FLI1: variants seen among roughly 807,000 people sequenced by gnomAD.
The protein encoded by FLI1 is Friend leukemia integration 1 transcription factor.
In FLI1, 13 loss-of-function variants were observed where a neutral mutation model predicts 53.1. The observed-to-expected ratio is 0.24, with a 90% CI of 0.16 to 0.39. The LOEUF (loss-of-function observed/expected upper bound fraction) is 0.39, where lower values mean the gene tolerates loss of function less well. Among genes scored for constraint, FLI1 ranks in the 10% least tolerant of loss-of-function variants. The probability of loss-of-function intolerance (pLI) is 1.00; values close to 1 mark genes in which losing one functional copy is unlikely to be tolerated. For synonymous variants in FLI1, 244 were observed against 236.7 expected, an observed-to-expected ratio of 1.03 and a Z score of -0.28; for missense variants, 424 against 600.5, an observed-to-expected ratio of 0.71 and a Z score of 3.07.
chr11:128,737,551 C>T (rs2135766418), intron 1 of FLI1, among the ~76,000 whole-genome samples: 1 of 152,286 alleles, frequency 6.6e-6, no homozygotes, highest in African/African-American at 2.4e-5. Flanking sequence ...TTTCCTTTAT[C>T]TTTAAAAATT....
chr11:128,747,865 G>A (rs1940467604), intron 1 of FLI1, among the ~76,000 whole-genome samples: 1 of 152,206 alleles, frequency 6.6e-6, no homozygotes, highest in South Asian at 2.1e-4. Context: ...TCAGATGAAT[G>A]TTCTATCTCC....
chr11:128,768,253 G>T lies in FLI1; in HGVS notation c.366G>T (p.Arg122Ser). The part of the protein sequence containing the change: ...PPPPNMTTNE[R>S]RVIVPADPTL... ...CTCCCAACATGACCACCAACGAGAG[G>T]AGAGTCATCGTCCCCGCAGGTAATT... The change falls in exon 3 of 9, where the codon AGG becomes AGT. Residue 122 changes from arginine to serine, a missense_variant. By Grantham distance (110) the Arg-to-Ser change is moderately radical (BLOSUM62 -1). Transcript: ENST00000527786. 1 of 1,613,970 alleles carries T rather than the reference G, an allele frequency of 6.2e-7. No individual in the cohort carries two copies. The highest frequency in any genetic ancestry group is 1.1e-5 in the South Asian group (1 of 91,074).
chr11:128,790,876 A>C (rs941748915), intron 5 of FLI1, among the ~76,000 whole-genome samples: 8 of 152,214 alleles, frequency 5.3e-5, no homozygotes, highest in African/African-American at 1.7e-4. Flanking sequence ...GAAACGCATC[A>C]CCATACATCC....
intron 1 of FLI1, among the ~76,000 whole-genome samples, chr11:128,729,782 G>A (rs1297820498): frequency 6.6e-6 from 1 of 152,188 alleles, no homozygotes. Context: ...CATGTCCCAG[G>A]TACTGGCTGG....
chr11:128,772,798 A>C lies in FLI1; in HGVS notation c.402A>C (p.Thr134=). ...VIVPADPTLW[T]QEHVRQWLEW... ...CCTCTGCAGACCCCACACTGTGGAC[A>C]CAGGAGCATGTGAGGCAATGGCTGG... The change falls in exon 4 of 9, where the codon ACA becomes ACC. Residue 134 remains threonine (T), a synonymous_variant. Coordinates refer to ENST00000527786, the MANE Select transcript of FLI1 (RefSeq NM_002017.5). The C allele has an allele frequency of 6.2e-7, 1 of 1,614,024 alleles. No homozygotes were observed. Among genetic ancestry groups the C allele is most frequent in the Non-Finnish European group, 8.5e-7 (1 of 1,179,858 alleles).
Position 128,720,771 on chromosome 11 carries a change from C to T in FLI1, c.18+26495C>T, listed in dbSNP as rs530730640. 9.4e-4 allele frequency among the ~76,000 whole-genome samples: 143 copies of T among 152,344 alleles called. 1 individual carries two copies. The highest frequency in any genetic ancestry group is 3.4e-3 in the African/African-American group (142 of 41,582). On this transcript the variant is annotated intron_variant, in intron 1 of 8. Coordinates refer to ENST00000527786, the MANE Select transcript of FLI1 (RefSeq NM_002017.5). ...TCCGCGGGCCCTGCTCAGTGACTCCCGCGTCTCCAAGCAGCTGCCTGCCTC... is the reference window on the plus strand; with the variant it reads ...TCCGCGGGCCCTGCTCAGTGACTCCTGCGTCTCCAAGCAGCTGCCTGCCTC...
intron 5 of FLI1, chr11:128,804,537 A>G (rs1942724863): frequency 6.6e-6 from 1 of 152,230 alleles, no homozygotes; most frequent in Admixed American, 6.5e-5. Flanking sequence ...TTTGAGGAGT[A>G]TTCTCCAAGA....
intron 5 of FLI1, 151 bp from the exon 6 acceptor site, chr11:128,805,215 A>G: frequency 1.9e-6 from 1 of 534,138 alleles, no homozygotes; most frequent in Non-Finnish European, 3.3e-6. Flanking sequence ...TTCCAACCCC[A>G]GGGGGTGAGT....
intron 1 of FLI1, among the ~76,000 whole-genome samples, chr11:128,745,341 C>T (rs1319466336): frequency 6.6e-6 from 1 of 152,066 alleles, no homozygotes; most frequent in African/African-American, 2.4e-5. Flanking sequence ...CCCTGGCTGC[C>T]GAGCTCTCCC....
intron 2 of FLI1, among the ~76,000 whole-genome samples, chr11:128,765,861 G>T (rs985154751): frequency 2.6e-5 from 4 of 152,182 alleles, no homozygotes; most frequent in Admixed American, 2.6e-4. Context: ...GTGTGCAGAT[G>T]AAGTGTACGT....
chr11:128,764,773 G>A, intron 2 of FLI1: 2 of 1,592,128 alleles, frequency 1.3e-6, no homozygotes, highest in South Asian at 2.2e-5. Flanking sequence ...GAGGCACGGT[G>A]CTTGGGAGCT....
chr11:128,730,319 G>T, intron 1 of FLI1, among the ~76,000 whole-genome samples: 1 of 152,202 alleles, frequency 6.6e-6, no homozygotes, highest in Non-Finnish European at 1.5e-5. Context: ...TGCGGGTGTA[G>T]GCCACACGTT....
At chr11:128,726,704 G>C (rs1456374690) in intron 1 of FLI1, among the ~76,000 whole-genome samples, 1 of 152,180 alleles carries the variant, frequency 6.6e-6, no homozygotes, top group Non-Finnish European at 1.5e-5. Context: ...AAGCCCCAGA[G>C]ACCACAGTGG....
intron 5 of FLI1, among the ~76,000 whole-genome samples, 185 bp downstream of exon 5, chr11:128,782,208 T>C (rs1472415283): frequency 6.6e-6 from 1 of 152,242 alleles, no homozygotes. Flanking sequence ...AAGAAAGTTT[T>C]ACAGTATCTT....
chr11:128,807,121 T>G, intron 6 of FLI1, 59 bp from the exon 7 acceptor site: 1 of 1,103,108 alleles, frequency 9.1e-7, no homozygotes, highest in Non-Finnish European at 1.3e-6. Flanking sequence ...TGTCAAGACG[T>G]CTTGCTCCCC....
rs1345002514 is a variant in FLI1, at chr11:128,741,511, G to A, written c.19-16604G>A. On this transcript the variant is annotated intron_variant, in intron 1 of 8. Transcript: ENST00000527786. The stretch of plus-strand genomic sequence containing the variant: ...CAACTTACTGTGGACTCTCTCTCCC[G>A]CCTTTCCAGAGGACTCCAGATCTAA... Among the ~76,000 whole-genome samples the A allele has an allele frequency of 2.0e-5, 3 of 152,216 alleles. No homozygotes were observed. The East Asian group carries it at 5.8e-4, about 29-fold the overall frequency.
chr11:128,725,059 G>A (rs1014806657), intron 1 of FLI1, among the ~76,000 whole-genome samples: 6 of 152,154 alleles, frequency 3.9e-5, no homozygotes, highest in African/African-American at 1.2e-4. Context: ...AGGTGTTCTC[G>A]TAGTTTCGAT....
intron 2 of FLI1, among the ~76,000 whole-genome samples, chr11:128,765,718 T>G (rs909650652): frequency 2.6e-5 from 4 of 152,218 alleles, no homozygotes; most frequent in Non-Finnish European, 5.9e-5. Context: ...GCACTTGGAC[T>G]GTTTCACAAC....
At chr11:128,745,927 C>G (rs1345641426) in intron 1 of FLI1, among the ~76,000 whole-genome samples, 1 of 152,156 alleles carries the variant, frequency 6.6e-6, no homozygotes, top group Non-Finnish European at 1.5e-5. Context: ...AGGAAATTGT[C>G]GGATAAGATC....
Sources: allele counts gnomAD v4.1 joint callset (sites outside exome capture counted in the v4.1 genomes callset), GRCh38; gene constraint gnomAD v4.1.1; transcripts MANE v1.5; gene names NCBI Gene and HGNC (gene_info 2026-07-23, HGNC 2026-07-21).